Variants in PTAR1 observed in about 807,000 individuals in gnomAD.
PTAR1 encodes the protein protein prenyltransferase alpha subunit repeat containing 1, also known as protein prenyltransferase alpha subunit repeat-containing protein 1.
A neutral mutation model predicts 45.5 loss-of-function variants in PTAR1; 17 were observed. The ratio of observed to expected loss-of-function variants is 0.37; its 90% CI spans 0.26 to 0.56. PTAR1 has a LOEUF of 0.56. Among genes scored for constraint, PTAR1 ranks in the 20% least tolerant of loss-of-function variants. The pLI is 0.77. For synonymous variants in PTAR1, 169 were observed against 171.3 expected, an observed-to-expected ratio of 0.99 and a Z score of 0.11; for missense variants, 391 against 476.3, an observed-to-expected ratio of 0.82 and a Z score of 1.67.
chr9:69,712,466 T>G lies in PTAR1; in HGVS notation c.*5876A>C, dbSNP rs1034132417. 1 of 152,178 alleles carries G rather than the reference T, an allele frequency of 6.6e-6. No individual in the cohort carries two copies. Among genetic ancestry groups the G allele is most frequent in the African/African-American group, 2.4e-5 (1 of 41,448 alleles). 9.4% of individuals were successfully genotyped at this position (152,178 alleles called of 1,614,324 possible). On this transcript the variant is annotated 3_prime_UTR_variant, in exon 8 of 8. Coordinates refer to ENST00000340434, the MANE Select transcript of PTAR1 (RefSeq NM_001099666.2). The stretch of plus-strand genomic sequence containing the variant: ...TGTTGTGCAACTGTATATCTTTGCC[T>G]TATGCATTTGAAACTGATTATGTAT...
chr9:69,722,583 G>A (rs1418163566), intron 6 of PTAR1, among the ~76,000 whole-genome samples: 1 of 151,844 alleles, frequency 6.6e-6, no homozygotes, highest in Non-Finnish European at 1.5e-5. Context: ...CCTTATTCTT[G>A]GGGTCTAATC....
At chr9:69,741,650 T>C (rs1826048057) in intron 3 of PTAR1, 142 bp downstream of exon 3, 2 of 578,104 alleles carry the variant, frequency 3.5e-6, no homozygotes, top group African/African-American at 1.9e-5. Context: ...CTATTTAGAA[T>C]TGTCACAGGT....
chr9:69,751,571 G>C (rs1325880308), intron 1 of PTAR1, among the ~76,000 whole-genome samples: 1 of 151,934 alleles, frequency 6.6e-6, no homozygotes, highest in Non-Finnish European at 1.5e-5. Context: ...GAGAAAGGTG[G>C]TAAGGAAGGA....
intron 3 of PTAR1, among the ~76,000 whole-genome samples, chr9:69,738,415 C>T (rs73444521): frequency 0.044 from 6,655 of 152,146 alleles, 497 homozygotes; most frequent in African/African-American, 0.15. Flanking sequence ...TTATGCTCTA[C>T]CTTGTAGAGG....
At chr9:69,745,006 CCTCAGTGAAACAAGGACTCA>C (rs1437648040) in intron 2 of PTAR1, among the ~76,000 whole-genome samples, 7 of 152,174 alleles carry the variant, frequency 4.6e-5, no homozygotes, top group Admixed American at 2.0e-4. Context: ...CCTCTTGGAA[CCTCAGTGAAACAAGGACTCA>C]CTCAGTGAAA....
chr9:69,733,678 G>A (rs1011006215), intron 4 of PTAR1, among the ~76,000 whole-genome samples: 1 of 152,098 alleles, frequency 6.6e-6, no homozygotes. Flanking sequence ...AGCTTTCTCT[G>A]TAAGTTAATT....
chr9:69,725,278 C>G (rs1825216192), intron 5 of PTAR1, among the ~76,000 whole-genome samples: 1 of 151,884 alleles, frequency 6.6e-6, no homozygotes, highest in Admixed American at 6.6e-5. Flanking sequence ...AATTTTGAGG[C>G]AAAAATAGCA....
chr9:69,737,332 C>T (rs544288456), intron 3 of PTAR1, among the ~76,000 whole-genome samples: 3 of 152,218 alleles, frequency 2.0e-5, no homozygotes, highest in Non-Finnish European at 2.9e-5. Context: ...CCACCCATCT[C>T]GGCCTCCCAA....
chr9:69,721,571 T>C (rs1825009760), intron 6 of PTAR1, among the ~76,000 whole-genome samples: 1 of 152,170 alleles, frequency 6.6e-6, no homozygotes, highest in Admixed American at 6.5e-5. Context: ...GTGGGCAAAA[T>C]GCTGTCAAAC....
chr9:69,718,350 T>G lies in PTAR1; in HGVS notation c.1201A>C (p.Ser401Arg). Reference protein sequence around the residue: ...SAYRKWLVTLSQ With the variant: ...SAYRKWLVTLRQ ...GGACTAATTCACCTCTTTCATTGAC[T>G]CAAAGTAACCAGCCATTTCCTGTAT... The change falls in exon 8 of 8, where the codon AGT (serine) becomes CGT (arginine). Residue 401 changes from serine (S) to arginine (R), a missense_variant. This residue lies in a region of PTAR1 where 181 missense variants were observed against 227.7 expected (regional missense o/e 0.80). Coordinates refer to ENST00000340434, the MANE Select transcript of PTAR1 (RefSeq NM_001099666.2). The G allele has an allele frequency of 6.3e-7, 1 of 1,599,326 alleles. No individual in the cohort carries two copies. The highest frequency in any genetic ancestry group is 1.7e-4 in the Middle Eastern group (1 of 5,960).
At chr9:69,742,029 T>G (rs978586372) in intron 2 of PTAR1, among the ~76,000 whole-genome samples, 171 bp from the exon 3 acceptor site, 1 of 152,146 alleles carries the variant, frequency 6.6e-6, no homozygotes, top group Non-Finnish European at 1.5e-5. Flanking sequence ...ATATGAAGAT[T>G]ACTCTCAAGA....
chr9:69,739,822 A>T (rs955005105), intron 3 of PTAR1, among the ~76,000 whole-genome samples: 1 of 152,190 alleles, frequency 6.6e-6, no homozygotes, highest in African/African-American at 2.4e-5. Flanking sequence ...GGATTTTTTA[A>T]AAATCAAGAT....
chr9:69,749,143 T>C (rs1826411382), intron 2 of PTAR1, among the ~76,000 whole-genome samples: 1 of 152,086 alleles, frequency 6.6e-6, no homozygotes, highest in South Asian at 2.1e-4. Context: ...AAGCCTGCAA[T>C]AGTGTCCAGA....
intron 2 of PTAR1, among the ~76,000 whole-genome samples, chr9:69,748,022 C>T (rs999716935): frequency 2.6e-5 from 4 of 152,058 alleles, no homozygotes; most frequent in African/African-American, 7.2e-5. Flanking sequence ...GCTGTTCAAG[C>T]GTGTCTGAAA....
Position 69,734,141 on chromosome 9 carries a change from T to G in PTAR1, c.428+9A>C, listed in dbSNP as rs747566008. 1 of 1,469,142 alleles carries G rather than the reference T, an allele frequency of 6.8e-7. No individual in the cohort carries two copies. Among genetic ancestry groups the G allele is most frequent in the Non-Finnish European group, 9.5e-7 (1 of 1,049,754 alleles). 91.0% of individuals were successfully genotyped at this position (1,469,142 alleles called of 1,614,324 possible). On this transcript the variant is annotated intron_variant, in intron 4 of 7. Coordinates refer to ENST00000340434, the MANE Select transcript of PTAR1 (RefSeq NM_001099666.2). ...TAAGTAAGAGTACTATGTTGTAAAT[T>G]AACCACACCTGTGAATCCATGTTTC...
intron 1 of PTAR1, chr9:69,757,238 CTAAGT>C (rs1826824533): frequency 1.3e-5 from 2 of 152,182 alleles, no homozygotes; most frequent in Non-Finnish European, 2.9e-5. Flanking sequence ...GGTCCATACA[CTAAGT>C]TAAAGACTAT....
intron 3 of PTAR1, among the ~76,000 whole-genome samples, chr9:69,738,566 T>C (rs1292763487): frequency 1.3e-5 from 2 of 152,176 alleles, no homozygotes; most frequent in Non-Finnish European, 2.9e-5. Flanking sequence ...ATTCCAGCTA[T>C]GGCCACTGGA....
chr9:69,716,553 TTTC>T lies in PTAR1; in HGVS notation c.*1786_*1788del, dbSNP rs1389352691. On this transcript the variant is annotated 3_prime_UTR_variant, in exon 8 of 8. Coordinates refer to ENST00000340434, the MANE Select transcript of PTAR1 (RefSeq NM_001099666.2). ...CCATGATGCCAAAGAAAAGGACATA[TTTC>T]TTCTTCTTTAAGGCAGTCTACCTAA... 5 of 152,132 alleles carry T rather than the reference TTTC, an allele frequency of 3.3e-5. No homozygotes were observed. The highest frequency in any genetic ancestry group is 9.7e-5 in the African/African-American group (4 of 41,434). The allele number at this position is 152,132 out of a possible 1,614,324, so 9.4% of individuals were successfully genotyped here.
intron 5 of PTAR1, among the ~76,000 whole-genome samples, chr9:69,723,921 C>T (rs1825146145): frequency 6.6e-6 from 1 of 151,994 alleles, no homozygotes; most frequent in Admixed American, 6.6e-5. Context: ...TTGGTACACA[C>T]AGAGAAGGAA....
Sources: allele counts gnomAD v4.1 joint callset (sites outside exome capture counted in the v4.1 genomes callset), GRCh38; gene constraint gnomAD v4.1.1; regional missense constraint gnomAD v4.1.1; transcripts MANE v1.5; gene names NCBI Gene and HGNC (gene_info 2026-07-23, HGNC 2026-07-21).